The following LRP1B variants were observed in gnomAD, a reference collection of about 807,000 sequenced individuals.
LRP1B encodes the protein LDL receptor related protein 1B.
LRP1B carries 217 observed loss-of-function variants against 556.6 expected under a neutral mutation model. That is an observed-to-expected ratio of 0.39 (90% confidence interval 0.35 to 0.44). The LOEUF (loss-of-function observed/expected upper bound fraction) is 0.44, where lower values mean the gene tolerates loss of function less well. LRP1B is among the 20% of genes least tolerant of loss of function. LRP1B has a pLI of 1.00. For synonymous variants in LRP1B, 2,047 were observed against 1,865.8 expected (o/e 1.10, Z -2.50); for missense variants, 5,053 against 5,620.8 (o/e 0.90, Z 3.23).
chr2:141,452,551 T>A (rs1027040366), intron 3 of LRP1B, among the ~76,000 whole-genome samples: 1 of 152,208 alleles, frequency 6.6e-6, no homozygotes, highest in African/African-American at 2.4e-5. Flanking sequence ...TTCATTAGCA[T>A]GATTTTCTCA....
chr2:142,115,846 A>G lies in LRP1B; in HGVS notation c.82+14802T>C, dbSNP rs1707248443. Among the ~76,000 whole-genome samples, 2 of 9,330 alleles carry G rather than the reference A, an allele frequency of 2.1e-4. 1 individual carries two copies. Among genetic ancestry groups the G allele is most frequent in the Non-Finnish European group, 3.7e-4 (2 of 5,450 alleles). The allele number at this position is 9,330 out of a possible 152,430, so 6.1% of individuals were successfully genotyped here. A position where few individuals can be genotyped will look rare whatever the true frequency, so the allele number is the denominator to read the frequency against. On this transcript the variant is annotated intron_variant, in intron 1 of 90. Transcript: ENST00000389484. The stretch of plus-strand genomic sequence containing the variant: ...AATATATATCATATATATGTAATAT[A>G]TATATATACATATATATATATATGG...
chr2:140,570,188 C>CT (rs1681272572), intron 43 of LRP1B, among the ~76,000 whole-genome samples: 1 of 150,326 alleles, frequency 6.7e-6, no homozygotes, highest in Non-Finnish European at 1.5e-5. Flanking sequence ...TAGATTGGAG[C>CT]AGAAATAAAT....
chr2:142,056,245 T>G, intron 1 of LRP1B, among the ~76,000 whole-genome samples: 1 of 152,184 alleles, frequency 6.6e-6, no homozygotes, highest in East Asian at 1.9e-4. Flanking sequence ...CTTGCTGTTT[T>G]TGTTGCAAAT....
At chr2:141,989,671 G>T (rs911169629) in intron 1 of LRP1B, among the ~76,000 whole-genome samples, 2 of 151,874 alleles carry the variant, frequency 1.3e-5, no homozygotes, top group Admixed American at 6.6e-5. Context: ...TTCTGTTCTT[G>T]TGGTAGTGAG....
intron 60 of LRP1B, 69 bp from the exon 61 acceptor site, chr2:140,457,720 A>C (rs975051238): frequency 2.4e-6 from 3 of 1,226,202 alleles, no homozygotes; most frequent in Admixed American, 1.8e-5. Context: ...TCAATACTAC[A>C]TGGGCTGACA....
intron 3 of LRP1B, among the ~76,000 whole-genome samples, chr2:141,464,549 A>G (rs1158693106): frequency 1.4e-5 from 2 of 145,574 alleles, no homozygotes; most frequent in Non-Finnish European, 3.0e-5. Context: ...AGTAGCTGGG[A>G]CTACAGTCGC....
At chr2:141,032,184 T>C (rs566889246) in intron 11 of LRP1B, among the ~76,000 whole-genome samples, 2 of 152,120 alleles carry the variant, frequency 1.3e-5, no homozygotes, top group Non-Finnish European at 2.9e-5. Flanking sequence ...TGTCTATTTA[T>C]GGGTTTTGTT....
intron 1 of LRP1B, among the ~76,000 whole-genome samples, chr2:141,968,705 G>T (rs188189076): frequency 1.5e-4 from 23 of 151,838 alleles, no homozygotes; most frequent in Non-Finnish European, 2.7e-4. Flanking sequence ...TCAAGTAAAT[G>T]AATTTCCCTT....
chr2:141,136,117 T>A (rs945936755), intron 7 of LRP1B, among the ~76,000 whole-genome samples: 1 of 151,930 alleles, frequency 6.6e-6, no homozygotes, highest in Non-Finnish European at 1.5e-5. Context: ...AGCATTTTTT[T>A]AAATATAAAA....
chr2:141,982,523 A>G (rs1166866236), intron 1 of LRP1B, among the ~76,000 whole-genome samples: 1 of 152,142 alleles, frequency 6.6e-6, no homozygotes, highest in Non-Finnish European at 1.5e-5. Flanking sequence ...ATTCATTCTT[A>G]ATTATATTTG....
At position 141,058,224 on chromosome 2, in the gene LRP1B, G is replaced by T. The variant is rs16845245; in HGVS notation, c.1408+659C>A. ...AACATATTTGTGACAATGTACAGCC[G>T]TGATTAGATATATGTTAATGCTTAG... is the stretch of plus-strand genomic sequence containing the variant. On this transcript the variant is annotated intron_variant, in intron 9 of 90. Coordinates refer to ENST00000389484, the MANE Select transcript of LRP1B (RefSeq NM_018557.3). Among the ~76,000 whole-genome samples, 393 of 151,924 alleles carry T rather than the reference G, an allele frequency of 2.6e-3. 1 individual carries two copies. Among genetic ancestry groups the T allele is most frequent in the African/African-American group, 9.0e-3 (375 of 41,504 alleles).
At chr2:140,858,709 G>A (rs954733207) in intron 27 of LRP1B, among the ~76,000 whole-genome samples, 5 of 151,902 alleles carry the variant, frequency 3.3e-5, no homozygotes, top group Admixed American at 3.3e-4. Context: ...ATCCATTAGC[G>A]ATTTTTCCTG....
chr2:141,967,079 T>C (rs1702523644), intron 1 of LRP1B, among the ~76,000 whole-genome samples: 1 of 151,950 alleles, frequency 6.6e-6, no homozygotes, highest in Admixed American at 6.6e-5. Context: ...TCTTATCTCT[T>C]GAAGCTGATT....
At chr2:141,799,651 T>TGAACCCTCCTCACTTCC (rs1312675563) in intron 2 of LRP1B, among the ~76,000 whole-genome samples, 6 of 152,180 alleles carry the variant, frequency 3.9e-5, no homozygotes, top group Admixed American at 2.6e-4. Context: ...TCCTCACTTC[T>TGAACCCTCCTCACTTCC]GAACCCTCCT....
chr2:142,113,262 T>C (rs1707066848), intron 1 of LRP1B, among the ~76,000 whole-genome samples: 1 of 152,030 alleles, frequency 6.6e-6, no homozygotes, highest in Non-Finnish European at 1.5e-5. Flanking sequence ...TCCTAAAATG[T>C]ATTAAGTTGT....
chr2:141,476,625 A>G (rs1682715719), intron 3 of LRP1B, among the ~76,000 whole-genome samples: 1 of 152,218 alleles, frequency 6.6e-6, no homozygotes, highest in South Asian at 2.1e-4. Context: ...TATCAGTGTT[A>G]TAGAAAATCA....
chr2:140,722,596 C>T (rs1574282371), intron 35 of LRP1B, among the ~76,000 whole-genome samples: 1 of 152,132 alleles, frequency 6.6e-6, no homozygotes, highest in Admixed American at 6.6e-5. Flanking sequence ...TGCTTATCTA[C>T]CTTGGCTGAT....
intron 25 of LRP1B, among the ~76,000 whole-genome samples, chr2:140,873,896 G>A (rs1573828491): frequency 1.3e-5 from 2 of 151,728 alleles, no homozygotes; most frequent in African/African-American, 4.8e-5. Context: ...AAAAGGAATG[G>A]GGAAATAAGA....
chr2:141,157,660 G>A (rs1027151403), intron 7 of LRP1B, among the ~76,000 whole-genome samples: 1 of 151,984 alleles, frequency 6.6e-6, no homozygotes, highest in African/African-American at 2.4e-5. Flanking sequence ...ACAAATCTTT[G>A]TGCATATTCT....
Sources: gnomAD v4.1 joint callset for allele counts (sites outside exome capture counted in the v4.1 genomes callset) on GRCh38, gnomAD v4.1.1 for gene constraint, MANE v1.5 for transcripts, NCBI Gene and HGNC (gene_info 2026-07-23, HGNC 2026-07-21) for gene names.